Variants in AGTPBP1 observed in about 807,000 individuals in gnomAD.
The protein encoded by AGTPBP1 is cytosolic carboxypeptidase 1.
In AGTPBP1, 70 loss-of-function variants were observed where a neutral mutation model predicts 143.9. The observed-to-expected ratio is 0.49, with a 90% confidence interval of 0.40 to 0.59. The LOEUF (loss-of-function observed/expected upper bound fraction) is 0.59, where lower values mean the gene tolerates loss of function less well. AGTPBP1 is among the 20% of genes least tolerant of loss of function. The pLI is 0.00. For synonymous variants in AGTPBP1, 463 were observed against 500.2 expected (o/e 0.93, Z 0.99); for missense variants, 1,229 against 1,464.5 (o/e 0.84, Z 2.62).
At chr9:85,624,258 T>C (rs1478356791) in intron 14 of AGTPBP1, among the ~76,000 whole-genome samples, 2 of 152,172 alleles carry the variant, frequency 1.3e-5, no homozygotes, top group African/African-American at 4.8e-5. Flanking sequence ...ATAACATATA[T>C]ATGTGATCAG....
At chr9:85,720,365 C>A (rs1464951956) in intron 1 of AGTPBP1, among the ~76,000 whole-genome samples, 8 of 152,148 alleles carry the variant, frequency 5.3e-5, no homozygotes, top group Non-Finnish European at 8.8e-5. Context: ...TTCAGAGATT[C>A]AACTTCTTCC....
At chr9:85,717,055 T>C (rs73481009) in intron 1 of AGTPBP1, among the ~76,000 whole-genome samples, 3,798 of 152,296 alleles carry the variant, frequency 0.025, 165 homozygotes, top group African/African-American at 0.087. Flanking sequence ...ACCACTTCCA[T>C]TGCTCAAGTA....
chr9:85,762,039 G>C, the AGTPBP1 span, among the ~76,000 whole-genome samples: 1 of 152,022 alleles, frequency 6.6e-6, no homozygotes, highest in African/African-American at 2.4e-5. Flanking sequence ...ATCACTGGTC[G>C]TCAGAGAAAT....
intron 7 of AGTPBP1, among the ~76,000 whole-genome samples, chr9:85,669,796 CAA>C (rs35265103): frequency 9.0e-4 from 114 of 126,396 alleles, no homozygotes; most frequent in African/African-American, 1.8e-3. Context: ...GAGTTATATG[CAA>C]AAAAAAAAAA....
At chr9:85,755,913 A>G in the AGTPBP1 span, 7 of 513,216 alleles carry the variant, frequency 1.4e-5, no homozygotes, top group African/African-American at 1.2e-4. Flanking sequence ...GACTAGAACC[A>G]CTGATGTCTT....
At chr9:85,672,072 CTTT>C (rs111948831) in intron 7 of AGTPBP1, among the ~76,000 whole-genome samples, 1 of 145,210 alleles carries the variant, frequency 6.9e-6, no homozygotes, top group Non-Finnish European at 1.5e-5. Context: ...CCAACTTAAC[CTTT>C]TTTTTTTTTG....
chr9:85,587,343 T>A (rs1828678295), intron 21 of AGTPBP1, among the ~76,000 whole-genome samples: 1 of 152,188 alleles, frequency 6.6e-6, no homozygotes, highest in Non-Finnish European at 1.5e-5. Context: ...TGCTATATCT[T>A]GACTTCATCA....
At chr9:85,746,426 A>G (rs1162449348), upstream of AGTPBP1, among the ~76,000 whole-genome samples, 1 of 152,184 alleles carries the variant, frequency 6.6e-6, no homozygotes, top group Non-Finnish European at 1.5e-5. Context: ...GTTCAAGACC[A>G]GCCTGGACAA....
intron 6 of AGTPBP1, 134 bp downstream of exon 6, chr9:85,677,302 C>G: frequency 1.3e-6 from 1 of 792,170 alleles, no homozygotes; most frequent in East Asian, 2.9e-5. Flanking sequence ...CCCCCATAAA[C>G]ATGTACAATT....
chr9:85,742,356 A>AC (rs1824412228), upstream of AGTPBP1, among the ~76,000 whole-genome samples: 1 of 138,136 alleles, frequency 7.2e-6, no homozygotes, highest in South Asian at 2.4e-4. Flanking sequence ...GCCCGCGCCC[A>AC]CCCCCTCCCC....
chr9:85,693,246 C>T lies in AGTPBP1; in HGVS notation c.33-433G>A, dbSNP rs1835998797. Among the ~76,000 whole-genome samples the T allele has an allele frequency of 2.0e-5, 3 of 152,150 alleles. No individual in the cohort carries two copies. In the South Asian group the frequency reaches 6.2e-4, roughly 32 times the overall value. The stretch of plus-strand genomic sequence containing the variant: ...TACACTCACTTTCCTGTCACCAGAT[C>T]CTTAAGCCTACCTATCCTCCACCTA... On this transcript the variant is annotated intron_variant, in intron 2 of 25. Transcript: ENST00000357081.
chr9:85,768,454 T>TA, the AGTPBP1 span, among the ~76,000 whole-genome samples: 1 of 152,222 alleles, frequency 6.6e-6, no homozygotes, highest in East Asian at 1.9e-4. Flanking sequence ...TTGCTTTTGT[T>TA]ACAAAGTTAA....
chr9:85,699,523 CT>C (rs1836507329), intron 2 of AGTPBP1, among the ~76,000 whole-genome samples: 1 of 151,844 alleles, frequency 6.6e-6, no homozygotes, highest in Admixed American at 6.6e-5. Flanking sequence ...ATTACACTAC[CT>C]TTTTCACCTT....
rs1296603638 is a variant in AGTPBP1, at chr9:85,625,884, C to CA, written c.2016-4600dup. On this transcript the variant is annotated intron_variant, in intron 14 of 25. Coordinates refer to ENST00000357081, the MANE Select transcript of AGTPBP1 (RefSeq NM_001330701.2). Reference sequence around the variant, plus strand: ...TGGGTGACACAGCGAGACCCTGTCTCAAAAAAAAAACCTAGTTTTGTTTTT... The same window carrying CA: ...TGGGTGACACAGCGAGACCCTGTCTCAAAAAAAAAAACCTAGTTTTGTTTTT... 1.7e-3 allele frequency among the ~76,000 whole-genome samples: 123 copies of CA among 73,124 alleles called. 1 individual carries two copies. The Middle Eastern group carries it at 0.027, about 16-fold the overall frequency. The allele number at this position is 73,124 out of a possible 152,430, so 48.0% of individuals were successfully genotyped here.
Position 85,579,064 on chromosome 9 carries a change from T to C in AGTPBP1, c.3198A>G (p.Pro1066=), listed in dbSNP as rs142324632. ...TLPKILSHIA[P]AFCMSSCSFV... is the part of the protein sequence containing the mutation. ...AGCTACAGCTGCTCATGCAAAATGC[T>C]GGGGCGATATGGCTCAGTATCTTAG... Residue 1066 remains proline (P), a synonymous_variant, in exon 24 of 26, where the codon CCA becomes CCG. Transcript: ENST00000357081. 1.4e-5 allele frequency: 23 copies of C among 1,610,434 alleles called. No homozygotes were observed. The African/African-American group carries it at 2.8e-4, about 20-fold the overall frequency.
At chr9:85,604,423 CT>C (rs1016403729) in intron 17 of AGTPBP1, among the ~76,000 whole-genome samples, 1 of 152,196 alleles carries the variant, frequency 6.6e-6, no homozygotes, top group Non-Finnish European at 1.5e-5. Flanking sequence ...TGGGTCCCCC[CT>C]AATGCAGATA....
At chr9:85,677,618 ATT>A in intron 5 of AGTPBP1, 36 bp from the exon 6 acceptor site, 1 of 1,463,264 alleles carries the variant, frequency 6.8e-7, no homozygotes. Context: ...TAAACAACAA[ATT>A]AAAAAAAAAT....
chr9:85,719,487 T>C (rs924202044), intron 1 of AGTPBP1, among the ~76,000 whole-genome samples: 1 of 152,200 alleles, frequency 6.6e-6, no homozygotes, highest in Non-Finnish European at 1.5e-5. Flanking sequence ...ATAGGAATGC[T>C]TGTGATTTTT....
intron 15 of AGTPBP1, among the ~76,000 whole-genome samples, chr9:85,620,111 GAA>G (rs1019972869): frequency 2.0e-5 from 3 of 148,432 alleles, no homozygotes; most frequent in African/African-American, 7.4e-5. Context: ...AACTTTAAAA[GAA>G]AAAAAAAAGT....
Sources: allele counts gnomAD v4.1 joint callset (sites outside exome capture counted in the v4.1 genomes callset), GRCh38; gene constraint gnomAD v4.1.1; transcripts MANE v1.5; gene names NCBI Gene and HGNC (gene_info 2026-07-23, HGNC 2026-07-21).